SLC1A7: variants seen among roughly 807,000 people sequenced by gnomAD.
SLC1A7 encodes the protein excitatory amino acid transporter 5.
Under a neutral mutation model 47.7 loss-of-function variants are expected in SLC1A7, and 40 were observed. The ratio of observed to expected loss-of-function variants is 0.84; its 90% CI spans 0.65 to 1.09. The LOEUF (loss-of-function observed/expected upper bound fraction) is 1.09. SLC1A7 is among the 50% of genes least tolerant of loss of function. SLC1A7 has a pLI of 0.00. For missense variants in SLC1A7, 746 were observed against 769.5 expected (o/e 0.97, Z 0.36); for synonymous variants, 323 against 325.6 (o/e 0.99, Z 0.09).
intron 1 of SLC1A7, among the ~76,000 whole-genome samples, chr1:53,139,174 G>A (rs567031359): frequency 6.6e-5 from 10 of 152,316 alleles, no homozygotes; most frequent in African/African-American, 2.4e-4. Context: ...CGGCCCTCAG[G>A]GCAGGGTGAC....
At chr1:53,101,089 C>G (rs1161812715) in intron 5 of SLC1A7, among the ~76,000 whole-genome samples, 1 of 151,680 alleles carries the variant, frequency 6.6e-6, no homozygotes, top group Admixed American at 6.6e-5. Context: ...CCTTGGTACA[C>G]TCACACACAC....
At chr1:53,113,716 C>T (rs146082761) in intron 3 of SLC1A7, among the ~76,000 whole-genome samples, 2 of 152,212 alleles carry the variant, frequency 1.3e-5, no homozygotes, top group East Asian at 3.9e-4. Context: ...CTGTATAAAA[C>T]TCATTTTCTG....
At chr1:53,098,192 C>T (rs918666583) in intron 5 of SLC1A7, among the ~76,000 whole-genome samples, 3 of 149,818 alleles carry the variant, frequency 2.0e-5, no homozygotes, top group Non-Finnish European at 4.4e-5. Flanking sequence ...TGCACTGCCT[C>T]AATACACAAA....
At chr1:53,134,499 T>C (rs1644971850) in intron 1 of SLC1A7, 70 bp from the exon 2 acceptor site, 1 of 996,118 alleles carries the variant, frequency 1.0e-6, no homozygotes, top group East Asian at 2.5e-5. Context: ...TTCTTCACAG[T>C]CTTTGAAGCA....
chr1:53,104,060 C>T (rs763749835), intron 4 of SLC1A7, among the ~76,000 whole-genome samples: 5 of 152,176 alleles, frequency 3.3e-5, no homozygotes, highest in East Asian at 1.9e-4. Flanking sequence ...TCCTGAGCCA[C>T]GTACCTTTCC....
chr1:53,119,185 C>T (rs1007290441), intron 2 of SLC1A7, among the ~76,000 whole-genome samples: 1 of 152,106 alleles, frequency 6.6e-6, no homozygotes, highest in Non-Finnish European at 1.5e-5. Flanking sequence ...GAGATGGAGG[C>T]AACTGGCCAG....
intron 7 of SLC1A7, 147 bp from the exon 8 acceptor site, chr1:53,090,953 C>T (rs74084148): frequency 0.035 from 53,511 of 1,523,572 alleles, 1,136 homozygotes; most frequent in South Asian, 0.065. Context: ...GTAAGGACCG[C>T]GGGCACTGCA....
rs773531310 is a variant in SLC1A7, at chr1:53,105,716, C to A, written c.474+16G>T. 1 of 1,606,888 alleles carries A rather than the reference C, an allele frequency of 6.2e-7. No individual in the cohort carries two copies. Among genetic ancestry groups the A allele is most frequent in the East Asian group, 2.2e-5 (1 of 44,836 alleles). The stretch of plus-strand genomic sequence containing the variant: ...CTGCCCCTTCCCTCCCCTCCACTGC[C>A]CAGAGACTCACTCACCTGTTTGAAT... On this transcript the variant is annotated intron_variant, in intron 4 of 10. Transcript: ENST00000371494.
intron 10 of SLC1A7, 26 bp downstream of exon 10, chr1:53,088,851 C>T (rs1481013967): frequency 6.3e-7 from 1 of 1,589,706 alleles, no homozygotes. Context: ...ACCCTCCTGG[C>T]AGCCTCTGGA....
At chr1:53,132,227 C>T (rs941482209) in intron 2 of SLC1A7, among the ~76,000 whole-genome samples, 1 of 152,162 alleles carries the variant, frequency 6.6e-6, no homozygotes, top group Non-Finnish European at 1.5e-5. Flanking sequence ...AGGGCCCAAT[C>T]TGCTTTTCTC....
At chr1:53,136,348 T>C (rs868852458) in intron 1 of SLC1A7, among the ~76,000 whole-genome samples, 89 of 147,582 alleles carry the variant, frequency 6.0e-4, no homozygotes, top group African/African-American at 2.2e-3. Context: ...TGCGCGCCAC[T>C]ATGCCCGGCT....
intron 2 of SLC1A7, among the ~76,000 whole-genome samples, chr1:53,119,822 TC>T (rs1644800194): frequency 6.6e-6 from 1 of 152,150 alleles, no homozygotes; most frequent in South Asian, 2.1e-4. Flanking sequence ...GATGGAGGCT[TC>T]CAGATAGAGT....
At chr1:53,095,258 C>A (rs1417893215) in intron 5 of SLC1A7, among the ~76,000 whole-genome samples, 1 of 151,944 alleles carries the variant, frequency 6.6e-6, no homozygotes, top group Non-Finnish European at 1.5e-5. Flanking sequence ...GATGGGGGAA[C>A]ACAGGGACAC....
At position 53,131,331 on chromosome 1, in the gene SLC1A7, T is replaced by G. The variant is rs569921977; in HGVS notation, c.215+3019A>C. ...CTCTGACTTCTGAACAGGATTTTTT[T>G]GTTTTGAGTGACTTGTCCAAGGCCA... On this transcript the variant is annotated intron_variant, in intron 2 of 10. Coordinates refer to ENST00000371494, the MANE Select transcript of SLC1A7 (RefSeq NM_006671.6). 4.2e-4 allele frequency among the ~76,000 whole-genome samples: 64 copies of G among 152,322 alleles called. 1 individual carries two copies. The East Asian group carries it at 8.3e-3, about 20-fold the overall frequency.
chr1:53,106,907 C>A (rs908996566), intron 3 of SLC1A7, among the ~76,000 whole-genome samples: 2 of 152,070 alleles, frequency 1.3e-5, no homozygotes, highest in Non-Finnish European at 2.9e-5. Context: ...GTAATCCCAG[C>A]ACTTTGGGAG....
At chr1:53,126,014 G>GA (rs2150340628) in intron 2 of SLC1A7, among the ~76,000 whole-genome samples, 1 of 152,362 alleles carries the variant, frequency 6.6e-6, no homozygotes, top group South Asian at 2.1e-4. Context: ...TTTTGCCTTT[G>GA]AAAATCTCTT....
chr1:53,094,225 A>G (rs1397126580), intron 5 of SLC1A7, among the ~76,000 whole-genome samples: 1 of 152,198 alleles, frequency 6.6e-6, no homozygotes, highest in African/African-American at 2.4e-5. Flanking sequence ...AGCATGTTAG[A>G]CGCACAGTGG....
intron 3 of SLC1A7, among the ~76,000 whole-genome samples, chr1:53,110,684 C>T (rs1319761086): frequency 6.6e-6 from 1 of 152,182 alleles, no homozygotes; most frequent in African/African-American, 2.4e-5. Context: ...ATCACAGTTA[C>T]CAGATCCTAG....
At chr1:53,096,003 C>T (rs1021421949) in intron 5 of SLC1A7, among the ~76,000 whole-genome samples, 6 of 149,380 alleles carry the variant, frequency 4.0e-5, no homozygotes, top group African/African-American at 1.5e-4. Flanking sequence ...CACCCCGCCT[C>T]AGTACACTCA....
Sources: gnomAD v4.1 joint callset for allele counts (sites outside exome capture counted in the v4.1 genomes callset) on GRCh38, gnomAD v4.1.1 for gene constraint, MANE v1.5 for transcripts, NCBI Gene and HGNC (gene_info 2026-07-23, HGNC 2026-07-21) for gene names.